The following CARS1 variants were observed in gnomAD, a reference collection of about 807,000 sequenced individuals.
CARS1 encodes the protein cysteine--tRNA ligase, cytoplasmic.
A neutral mutation model predicts 106.2 loss-of-function variants in CARS1; 48 were observed. The observed-to-expected ratio is 0.45, with a 90% CI of 0.36 to 0.57. The LOEUF (loss-of-function observed/expected upper bound fraction) is 0.57. Ranked by LOEUF, CARS1 falls within the 20% of genes least tolerant of loss-of-function variation. CARS1 has a pLI of 0.00. For missense variants in CARS1, 968 were observed against 1,057.2 expected (o/e 0.92, Z 1.17); for synonymous variants, 409 against 403.4 (o/e 1.01, Z -0.17).
In CARS1 at chr11:3,018,457, T is replaced by C; in HGVS notation, c.1580A>G (p.Tyr527Cys). 3 of 1,613,934 alleles carry C rather than the reference T, an allele frequency of 1.9e-6. No homozygotes were observed. Among genetic ancestry groups the C allele is most frequent in the Non-Finnish European group, 2.5e-6 (3 of 1,179,932 alleles). The change falls in exon 14 of 23, where the codon TAC becomes TGC. Residue 527 changes from tyrosine to cysteine, a missense_variant. Coordinates refer to ENST00000380525, the MANE Select transcript of CARS1 (RefSeq NM_001014437.3). ...LMHSWKDTLD[Y>C]SSNTMESALQ... ...CGCTGACTCCATGGTGTTGCTGGAGTAGTCCAGGGTGTCCTTCCACGAGTG... is the reference window on the plus strand; with the variant it reads ...CGCTGACTCCATGGTGTTGCTGGAGCAGTCCAGGGTGTCCTTCCACGAGTG...
In CARS1 at chr11:3,031,935, G is replaced by A. The variant is rs896740456; in HGVS notation, c.802-2492C>T. 7.3e-5 allele frequency among the ~76,000 whole-genome samples: 11 copies of A among 150,290 alleles called. No individual in the cohort carries two copies. The East Asian group carries it at 1.9e-3, about 27-fold the overall frequency. On this transcript the variant is annotated intron_variant, in intron 7 of 22. Transcript: ENST00000380525. The stretch of plus-strand genomic sequence containing the variant: ...CCCCTTGTGTTTCCAATAGCAAGAA[G>A]GGAAAGGAAGCATTCCAAAATATAC...
chr11:3,055,667 GA>G (rs1185580811), intron 1 of CARS1, among the ~76,000 whole-genome samples: 1 of 152,226 alleles, frequency 6.6e-6, no homozygotes, highest in Non-Finnish European at 1.5e-5. Context: ...ACAAGGCTCT[GA>G]AAACCTAAAA....
In CARS1 at chr11:3,020,350, G is replaced by A. The variant is rs756073485; in HGVS notation, c.1154-18C>T. 14 of 1,516,540 alleles carry A rather than the reference G, an allele frequency of 9.2e-6. No homozygotes were observed. Among genetic ancestry groups the A allele is most frequent in the East Asian group, 4.5e-5 (2 of 44,446 alleles). The allele number at this position is 1,516,540 out of a possible 1,614,324, so 93.9% of individuals were successfully genotyped here. On this transcript the variant is annotated intron_variant, in intron 10 of 22. Transcript: ENST00000380525. The surrounding 1 kb of genome is among the most constrained non-coding windows in gnomAD (Gnocchi z 4.6). The stretch of plus-strand genomic sequence containing the variant: ...CAGGTCACCTGCAAACACGAGGGAC[G>A]CCAGGCAAGGTCACTCAGCAGCACC...
In CARS1 at chr11:3,040,433, C is replaced by T; in HGVS notation, c.455+463G>A. 6.8e-6 allele frequency: 3 copies of T among 438,638 alleles called. No individual in the cohort carries two copies. Among genetic ancestry groups the T allele is most frequent in the Non-Finnish European group, 9.0e-6 (2 of 221,584 alleles). The allele number at this position is 438,638 out of a possible 1,614,324, so 27.2% of individuals were successfully genotyped here. On this transcript the variant is annotated intron_variant, in intron 4 of 22. Transcript: ENST00000380525. This position sits in a 1 kb window ranked among gnomAD's most constrained non-coding sequence, Gnocchi z 5.8. The stretch of plus-strand genomic sequence containing the variant: ...ACTAAAACATGAACACATAAAAGGA[C>T]TCTGTGGCATTTACCCCAACAGCCA...
rs1852341199 is a variant in CARS1, at chr11:3,028,393, T to C, written c.1031+603A>G. 4 of 364,736 alleles carry C rather than the reference T, an allele frequency of 1.1e-5. No individual in the cohort carries two copies. Among genetic ancestry groups the C allele is most frequent in the African/African-American group, 4.4e-5 (2 of 45,560 alleles). The allele number at this position is 364,736 out of a possible 1,614,324, so 22.6% of individuals were successfully genotyped here. ...TTGTCTTGTGTCTTTATTTCTACAA[T>C]CTCTCATCTCCACACATGGGGAGAA... On this transcript the variant is annotated intron_variant, in intron 9 of 22. Transcript: ENST00000380525. This position sits in a 1 kb window ranked among gnomAD's most constrained non-coding sequence, Gnocchi z 4.4.
chr11:3,027,547 T>C, intron 9 of CARS1: 1 of 202,834 alleles, frequency 4.9e-6, no homozygotes, highest in Non-Finnish European at 1.0e-5. Context: ...CAGATATAGA[T>C]CTTAGATATG....
intron 16 of CARS1, among the ~76,000 whole-genome samples, chr11:3,016,092 C>T (rs1850963248): frequency 6.6e-6 from 1 of 152,106 alleles, no homozygotes; most frequent in Non-Finnish European, 1.5e-5. Flanking sequence ...TGGAGCCCAA[C>T]AACAAGGAAA....
In CARS1 at chr11:3,004,772, C is replaced by T. The variant is rs1216391651; in HGVS notation, c.2217+594G>A. ...AGGAGGTGGAGATGCATCAGTGACA[C>T]GCGCCACTCAGGTGAGGGCACGGTG... is the stretch of plus-strand genomic sequence containing the variant. On this transcript the variant is annotated intron_variant, in intron 20 of 22. Coordinates refer to ENST00000380525, the MANE Select transcript of CARS1 (RefSeq NM_001014437.3). The surrounding 1 kb of genome is among the most constrained non-coding windows in gnomAD (Gnocchi z 5.2). 3.9e-5 allele frequency among the ~76,000 whole-genome samples: 6 copies of T among 152,120 alleles called. No individual in the cohort carries two copies. Among genetic ancestry groups the T allele is most frequent in the South Asian group, 2.1e-4 (1 of 4,830 alleles).
At position 3,048,894 on chromosome 11, in the gene CARS1, C is replaced by T. The variant is rs186503324; in HGVS notation, c.26-893G>A. On this transcript the variant is annotated intron_variant, in intron 1 of 22. Transcript: ENST00000380525. The surrounding 1 kb of genome is among the most constrained non-coding windows in gnomAD (Gnocchi z 5.1). ...CTTCAAAGCAGTAAGCGTGCACCTC[C>T]ACCACTCAGGTGTGTCACTCAAGGA... Among the ~76,000 whole-genome samples, 26 of 152,338 alleles carry T rather than the reference C, an allele frequency of 1.7e-4. No individual in the cohort carries two copies. In the East Asian group the frequency reaches 5.0e-3, roughly 29 times the overall value.
At chr11:3,016,253 C>T (rs7130126) in intron 16 of CARS1, among the ~76,000 whole-genome samples, 85,255 of 148,148 alleles carry the variant, frequency 0.58, 26,777 homozygotes, top group African/African-American at 0.84. Flanking sequence ...TGGAATCTCA[C>T]TCTGTCGCCC....
Position 3,016,247 on chromosome 11 carries a change from A to G in CARS1, c.1918-398T>C, listed in dbSNP as rs1359402510. On this transcript the variant is annotated intron_variant, in intron 16 of 22. Coordinates refer to ENST00000380525, the MANE Select transcript of CARS1 (RefSeq NM_001014437.3). ...CTTTTTTTTTTTTTTTTGAGATGGA[A>G]TCTCACTCTGTCGCCCAGGCTGGAG... Among the ~76,000 whole-genome samples, 27 of 146,248 alleles carry G rather than the reference A, an allele frequency of 1.8e-4. No individual in the cohort carries two copies. In the East Asian group the frequency reaches 2.2e-3, roughly 12 times the overall value.
chr11:3,051,277 A>C (rs1384923132), intron 1 of CARS1, among the ~76,000 whole-genome samples: 2 of 152,100 alleles, frequency 1.3e-5, no homozygotes, highest in African/African-American at 4.8e-5. Flanking sequence ...ACAGGGGTGG[A>C]CTCTGGCCCC....
rs1367879760 is a variant in CARS1, at chr11:3,020,386, CAT to C, written c.1154-56_1154-55del. 3.7e-6 allele frequency: 4 copies of C among 1,083,736 alleles called. No individual in the cohort carries two copies. The highest frequency in any genetic ancestry group is 1.7e-5 in the Admixed American group (1 of 58,672). The allele number at this position is 1,083,736 out of a possible 1,614,324, so 67.1% of individuals were successfully genotyped here. On this transcript the variant is annotated intron_variant, in intron 10 of 22. Coordinates refer to ENST00000380525, the MANE Select transcript of CARS1 (RefSeq NM_001014437.3). The surrounding 1 kb of genome is among the most constrained non-coding windows in gnomAD (Gnocchi z 4.6). ...TCACTCAGCAGCACCCACAGACCCA[CAT>C]GTCTCACTTCAAGGCCATCCACGGT...
At position 3,048,132 on chromosome 11, in the gene CARS1, A is replaced by T; in HGVS notation, c.26-131T>A. On this transcript the variant is annotated intron_variant, in intron 1 of 22. Transcript: ENST00000380525. This position sits in a 1 kb window ranked among gnomAD's most constrained non-coding sequence, Gnocchi z 5.1. Reference sequence around the variant, plus strand: ...TCAAGCCCTTCCCTGGACGCCAAACATCCAGAACAGGCAAAGGCACAGGGG... The same window carrying T: ...TCAAGCCCTTCCCTGGACGCCAAACTTCCAGAACAGGCAAAGGCACAGGGG... The T allele has an allele frequency of 1.8e-6, 2 of 1,137,914 alleles. No individual in the cohort carries two copies. The highest frequency in any genetic ancestry group is 5.2e-5 in the Admixed American group (2 of 38,116). 70.5% of individuals were successfully genotyped at this position (1,137,914 alleles called of 1,614,324 possible).
At chr11:3,012,163 C>T (rs1160332710) in intron 18 of CARS1, 32 bp downstream of exon 18, 6 of 1,587,512 alleles carry the variant, frequency 3.8e-6, no homozygotes, top group Non-Finnish European at 5.2e-6. Flanking sequence ...AGGGGAGTGG[C>T]TCCCACACTC....
Position 3,038,084 on chromosome 11 carries a change from C to A in CARS1, c.767G>T (p.Arg256Ile), listed in dbSNP as rs553501826. Residue 256 changes from arginine (R) to isoleucine (I), a missense_variant, in exon 7 of 23, where the codon AGA (arginine) becomes ATA (isoleucine). Transcript: ENST00000380525. This position sits in a 1 kb window ranked among gnomAD's most constrained non-coding sequence, Gnocchi z 4.0. ...TEPLEKAVQS[R>I]LTGEEVNSCV... ...GCTGTTGACTTCCTCTCCCGTGAGTCTGGACTGCACAGCTTTCTCAAGTGG... is the reference window on the plus strand; with the variant it reads ...GCTGTTGACTTCCTCTCCCGTGAGTATGGACTGCACAGCTTTCTCAAGTGG... The A allele has an allele frequency of 6.2e-7, 1 of 1,614,102 alleles. No homozygotes were observed. The highest frequency in any genetic ancestry group is 1.7e-5 in the Admixed American group (1 of 60,018).
In CARS1 at chr11:3,053,088, C is replaced by G. The variant is rs1452108569; in HGVS notation, c.25+4255G>C. On this transcript the variant is annotated intron_variant, in intron 1 of 22. Coordinates refer to ENST00000380525, the MANE Select transcript of CARS1 (RefSeq NM_001014437.3). The surrounding 1 kb of genome is among the most constrained non-coding windows in gnomAD (Gnocchi z 6.6). Reference sequence around the variant, plus strand: ...ATTGAAATCACATGCAAGTACCAAGCAATTGCTCAGCACAGATACCAAAAC... The same window carrying G: ...ATTGAAATCACATGCAAGTACCAAGGAATTGCTCAGCACAGATACCAAAAC... Among the ~76,000 whole-genome samples, 1 of 152,226 alleles carries G rather than the reference C, an allele frequency of 6.6e-6. No homozygotes were observed. The highest frequency in any genetic ancestry group is 1.5e-5 in the Non-Finnish European group (1 of 68,044).
At position 3,002,088 on chromosome 11, in the gene CARS1, G is replaced by A. The variant is rs759684028; in HGVS notation, c.2278-35C>T. On this transcript the variant is annotated intron_variant, in intron 21 of 22. Coordinates refer to ENST00000380525, the MANE Select transcript of CARS1 (RefSeq NM_001014437.3). ...GCAACACGGCACAGTCACTGCCCCC[G>A]AGCAGCACCTGGGGCTCCGCACTGT... 2.4e-5 allele frequency: 34 copies of A among 1,428,090 alleles called. No homozygotes were observed. The South Asian group carries it at 2.7e-4, about 12-fold the overall frequency. The allele number at this position is 1,428,090 out of a possible 1,614,324, so 88.5% of individuals were successfully genotyped here.
chr11:3,007,019 T>A, intron 18 of CARS1, 60 bp from the exon 19 acceptor site: 1 of 1,290,014 alleles, frequency 7.8e-7, no homozygotes, highest in South Asian at 1.2e-5. Context: ...ACACAACCAG[T>A]GCCTCCTCCA....
Sources: gnomAD v4.1 joint callset for allele counts (sites outside exome capture counted in the v4.1 genomes callset) on GRCh38, gnomAD v4.1.1 for gene constraint, Gnocchi (gnomAD v3.1) non-coding constraint, MANE v1.5 for transcripts, NCBI Gene and HGNC (gene_info 2026-07-23, HGNC 2026-07-21) for gene names.